The following LINGO2 variants were observed in gnomAD, a reference collection of about 807,000 sequenced individuals.
The protein encoded by LINGO2 is leucine rich repeat and Ig domain containing 2, also known as leucine-rich repeat and immunoglobulin-like domain-containing nogo receptor-interacting protein 2.
In LINGO2, 14 loss-of-function variants were observed where a neutral mutation model predicts 30.6. That is an observed-to-expected ratio of 0.46 (90% CI 0.30 to 0.72). The LOEUF is 0.72. Among genes scored for constraint, LINGO2 ranks in the 30% least tolerant of loss-of-function variants. The pLI is 0.07. For synonymous variants in LINGO2, 317 were observed against 288.5 expected (o/e 1.10, Z -1.00); for missense variants, 729 against 751.7 (o/e 0.97, Z 0.35).
chr9:28,858,307 A>G, the LINGO2 span, among the ~76,000 whole-genome samples: 1 of 152,068 alleles, frequency 6.6e-6, no homozygotes. Context: ...TGTCAGGCAG[A>G]TGAACATTTA....
intron 1 of LINGO2, among the ~76,000 whole-genome samples, chr9:28,563,977 C>T (rs1008939922): frequency 1.3e-5 from 2 of 152,086 alleles, no homozygotes; most frequent in Non-Finnish European, 1.5e-5. Flanking sequence ...GTGATGCATC[C>T]TACAGATACA....
At chr9:28,632,175 G>C (rs552684667) in intron 1 of LINGO2, among the ~76,000 whole-genome samples, 1 of 152,234 alleles carries the variant, frequency 6.6e-6, no homozygotes, top group South Asian at 2.1e-4. Flanking sequence ...TCAATGCATA[G>C]TTGATATTTA....
intron 4 of LINGO2, among the ~76,000 whole-genome samples, chr9:28,218,022 A>T (rs1820828898): frequency 6.6e-6 from 1 of 151,426 alleles, no homozygotes; most frequent in Admixed American, 6.6e-5. Context: ...ATAAAGTCTA[A>T]TTTGGAAAGG....
At chr9:29,028,507 G>A in the LINGO2 span, among the ~76,000 whole-genome samples, 1 of 151,794 alleles carries the variant, frequency 6.6e-6, no homozygotes, top group Non-Finnish European at 1.5e-5. Flanking sequence ...TAGTTCTTCA[G>A]TTATCCTTTG....
chr9:28,496,915 A>T (rs768251811), intron 1 of LINGO2, among the ~76,000 whole-genome samples: 2 of 152,076 alleles, frequency 1.3e-5, no homozygotes, highest in African/African-American at 2.4e-5. Flanking sequence ...CCTTCTCTTA[A>T]GAAGCTTAGT....
the LINGO2 span, among the ~76,000 whole-genome samples, chr9:28,835,323 A>G: frequency 6.6e-6 from 1 of 152,212 alleles, no homozygotes; most frequent in African/African-American, 2.4e-5. Flanking sequence ...AAGGATATTA[A>G]GTAGAAATTA....
rs192999672 is a variant in LINGO2, at chr9:28,273,023, G to A, written c.-87+22185C>T. Among the ~76,000 whole-genome samples, 567 of 152,198 alleles carry A rather than the reference G, an allele frequency of 3.7e-3. 4 individuals are homozygous for A. The highest frequency in any genetic ancestry group is 0.012 in the African/African-American group (494 of 41,530). On this transcript the variant is annotated intron_variant, in intron 4 of 5. Coordinates refer to ENST00000379992, the Ensembl canonical transcript of LINGO2. ...TTAAATTATTACCTTTTGACCTTATGTATTTTTTAGTTCCCTCTATTAGAA... is the reference window on the plus strand; with the variant it reads ...TTAAATTATTACCTTTTGACCTTATATATTTTTTAGTTCCCTCTATTAGAA...
At chr9:28,303,055 C>G (rs946821145) in intron 3 of LINGO2, among the ~76,000 whole-genome samples, 1 of 152,090 alleles carries the variant, frequency 6.6e-6, no homozygotes, top group African/African-American at 2.4e-5. Context: ...TTTCCCACAT[C>G]AAGAATAAAG....
At chr9:28,341,978 G>A (rs1825781215) in intron 3 of LINGO2, among the ~76,000 whole-genome samples, 1 of 152,074 alleles carries the variant, frequency 6.6e-6, no homozygotes, top group South Asian at 2.1e-4. Context: ...CATGAGTTAG[G>A]ATGAATGCTC....
the LINGO2 span, among the ~76,000 whole-genome samples, chr9:29,212,117 T>C: frequency 6.6e-6 from 1 of 152,060 alleles, no homozygotes; most frequent in Non-Finnish European, 1.5e-5. Context: ...AGGGTGCGGG[T>C]CAGGATCTCA....
chr9:28,728,795 T>G, the LINGO2 span, among the ~76,000 whole-genome samples: 1 of 152,098 alleles, frequency 6.6e-6, no homozygotes, highest in African/African-American at 2.4e-5. Context: ...GTAAATATCC[T>G]TACAGAAAAA....
At chr9:28,425,085 G>A (rs1053476193) in intron 2 of LINGO2, among the ~76,000 whole-genome samples, 1 of 151,676 alleles carries the variant, frequency 6.6e-6, no homozygotes, top group Non-Finnish European at 1.5e-5. Flanking sequence ...GGGCCCTAGT[G>A]TTTTTGATTA....
chr9:29,052,057 G>A, the LINGO2 span, among the ~76,000 whole-genome samples: 573 of 152,104 alleles, frequency 3.8e-3, 9 homozygotes, highest in East Asian at 0.044. Context: ...CCCACAAAAT[G>A]GCAATTTCCT....
At chr9:28,659,797 T>G (rs1241484188) in intron 1 of LINGO2, among the ~76,000 whole-genome samples, 1 of 152,092 alleles carries the variant, frequency 6.6e-6, no homozygotes, top group African/African-American at 2.4e-5. Context: ...TCCAGTGTCG[T>G]AATAGGTTGA....
chr9:28,002,264 C>CA (rs1304344518), intron 5 of LINGO2, among the ~76,000 whole-genome samples: 2 of 127,446 alleles, frequency 1.6e-5, no homozygotes, highest in Non-Finnish European at 3.5e-5. Flanking sequence ...CCCTTCCCTC[C>CA]ATTTTTTTTT....
chr9:28,297,534 A>G (rs1287108213), intron 3 of LINGO2, among the ~76,000 whole-genome samples: 1 of 152,218 alleles, frequency 6.6e-6, no homozygotes, highest in Non-Finnish European at 1.5e-5. Flanking sequence ...CAGCAATATT[A>G]CATCCAATCA....
the LINGO2 span, among the ~76,000 whole-genome samples, chr9:28,693,645 C>T: frequency 2.1e-4 from 32 of 152,216 alleles, no homozygotes; most frequent in African/African-American, 7.2e-4. Context: ...AATCTGAACT[C>T]TGTCTTGGAG....
intron 4 of LINGO2, among the ~76,000 whole-genome samples, chr9:28,226,178 A>G (rs1821136475): frequency 6.6e-6 from 1 of 152,168 alleles, no homozygotes; most frequent in Non-Finnish European, 1.5e-5. Context: ...ATCCAAAATA[A>G]TTTCATCAAC....
intron 1 of LINGO2, among the ~76,000 whole-genome samples, chr9:28,594,855 C>T (rs1825099779): frequency 6.6e-6 from 1 of 152,046 alleles, no homozygotes; most frequent in South Asian, 2.1e-4. Context: ...AAAGAATACT[C>T]CCCAAGACTG....
Sources: gnomAD v4.1 joint callset for allele counts (sites outside exome capture counted in the v4.1 genomes callset) on GRCh38, gnomAD v4.1.1 for gene constraint, MANE v1.5 for transcripts, NCBI Gene and HGNC (gene_info 2026-07-23, HGNC 2026-07-21) for gene names.